The following DPYD variants were observed in gnomAD, a reference collection of about 807,000 sequenced individuals.
DPYD encodes the protein dihydropyrimidine dehydrogenase.
In DPYD, 109 loss-of-function variants were observed where a neutral mutation model predicts 116.2. That is an observed-to-expected ratio of 0.94 (90% confidence interval 0.80 to 1.10). DPYD has a LOEUF of 1.10. Among genes scored for constraint, DPYD ranks in the 50% least tolerant of loss-of-function variants. The probability of loss-of-function intolerance (pLI) is 0.00; values close to 1 mark genes in which losing one functional copy is unlikely to be tolerated. For synonymous variants in DPYD, 440 were observed against 432.0 expected (o/e 1.02, Z -0.23); for missense variants, 1,302 against 1,254.5 (o/e 1.04, Z -0.57).
Position 97,542,186 on chromosome 1 carries a change from C to T in DPYD, c.1524+7374G>A, listed in dbSNP as rs72975705. Among the ~76,000 whole-genome samples the T allele has an allele frequency of 4.8e-3, 732 of 152,252 alleles. 9 individuals carry two copies. Among genetic ancestry groups the T allele is most frequent in the African/African-American group, 0.017 (695 of 41,550 alleles). Reference sequence around the variant, plus strand: ...CTGGTATAATTACTGAACTTTCTCTCTCTCATTTTTCCTATATAATCTCTA... The same window carrying T: ...CTGGTATAATTACTGAACTTTCTCTTTCTCATTTTTCCTATATAATCTCTA... On this transcript the variant is annotated intron_variant, in intron 12 of 22. Coordinates refer to ENST00000370192, the MANE Select transcript of DPYD (RefSeq NM_000110.4).
chr1:97,602,801 C>A (rs552281066), intron 8 of DPYD, among the ~76,000 whole-genome samples: 13 of 151,736 alleles, frequency 8.6e-5, no homozygotes, highest in African/African-American at 2.9e-4. Flanking sequence ...AAAAGAAGTA[C>A]CTTTTTCTTC....
intron 19 of DPYD, among the ~76,000 whole-genome samples, chr1:97,204,775 T>G (rs1659478074): frequency 6.6e-6 from 1 of 152,096 alleles, no homozygotes. Flanking sequence ...CCGTCACTTT[T>G]GGTTTAGTTT....
At chr1:97,345,896 AT>A (rs891737142) in intron 16 of DPYD, among the ~76,000 whole-genome samples, 6 of 151,898 alleles carry the variant, frequency 4.0e-5, no homozygotes, top group South Asian at 2.1e-4. Flanking sequence ...TATTTTAATG[AT>A]TTTTTTTACA....
intron 18 of DPYD, among the ~76,000 whole-genome samples, chr1:97,263,047 C>T (rs1336016693): frequency 6.6e-6 from 1 of 152,070 alleles, no homozygotes; most frequent in Non-Finnish European, 1.5e-5. Flanking sequence ...CAAGCTTGAT[C>T]TTGATTGCCA....
intron 2 of DPYD, among the ~76,000 whole-genome samples, chr1:97,868,640 G>T (rs1671511370): frequency 6.6e-6 from 1 of 151,676 alleles, no homozygotes; most frequent in Non-Finnish European, 1.5e-5. Flanking sequence ...CTATTTAACA[G>T]TGAAAGAAAC....
intron 3 of DPYD, among the ~76,000 whole-genome samples, chr1:97,772,182 G>A (rs1666178342): frequency 6.6e-6 from 1 of 152,064 alleles, no homozygotes; most frequent in Non-Finnish European, 1.5e-5. Flanking sequence ...GAGAAAATAA[G>A]ACAAGACTCT....
chr1:97,432,140 G>A (rs985164928), intron 14 of DPYD, among the ~76,000 whole-genome samples: 3 of 152,042 alleles, frequency 2.0e-5, no homozygotes, highest in South Asian at 2.1e-4. Context: ...TCCATATATT[G>A]GCTATTGTGA....
At chr1:97,724,046 A>G (rs779167428) in intron 4 of DPYD, among the ~76,000 whole-genome samples, 3 of 151,600 alleles carry the variant, frequency 2.0e-5, no homozygotes, top group Non-Finnish European at 4.4e-5. Context: ...AAATCACACA[A>G]TCATATTAAA....
chr1:97,410,663 T>C (rs1375552866), intron 14 of DPYD, among the ~76,000 whole-genome samples: 1 of 152,112 alleles, frequency 6.6e-6, no homozygotes, highest in Non-Finnish European at 1.5e-5. Flanking sequence ...ATTGTGAGCA[T>C]ATTATATTTG....
At chr1:97,876,158 T>G (rs1266364573) in intron 2 of DPYD, among the ~76,000 whole-genome samples, 1 of 151,992 alleles carries the variant, frequency 6.6e-6, no homozygotes, top group South Asian at 2.1e-4. Context: ...TCATGACTGG[T>G]AGTGCAATTC....
At chr1:97,618,922 A>T (rs1056370457) in intron 8 of DPYD, among the ~76,000 whole-genome samples, 1 of 152,150 alleles carries the variant, frequency 6.6e-6, no homozygotes, top group African/African-American at 2.4e-5. Context: ...AATGCACCAG[A>T]AACATCCAGG....
At chr1:97,084,493 C>T (rs193087760) in intron 21 of DPYD, among the ~76,000 whole-genome samples, 1 of 152,020 alleles carries the variant, frequency 6.6e-6, no homozygotes, top group African/African-American at 2.4e-5. Flanking sequence ...TCCATATCCT[C>T]TTTCTTAAAA....
chr1:97,113,034 C>A (rs766097756), intron 20 of DPYD, among the ~76,000 whole-genome samples: 1 of 152,134 alleles, frequency 6.6e-6, no homozygotes, highest in Non-Finnish European at 1.5e-5. Flanking sequence ...CAGAAAGTAA[C>A]TTTAACATGC....
At chr1:97,351,122 G>T (rs998290167) in intron 16 of DPYD, among the ~76,000 whole-genome samples, 1 of 152,072 alleles carries the variant, frequency 6.6e-6, no homozygotes, top group Non-Finnish European at 1.5e-5. Flanking sequence ...TTTATTTTCA[G>T]TTTATTATCT....
intron 18 of DPYD, among the ~76,000 whole-genome samples, chr1:97,281,657 T>A (rs1359204222): frequency 6.6e-6 from 1 of 152,008 alleles, no homozygotes; most frequent in African/African-American, 2.4e-5. Context: ...CAGGAAGTTA[T>A]CAAACTAAGT....
At chr1:97,865,678 T>TTC (rs1046794726) in intron 2 of DPYD, among the ~76,000 whole-genome samples, 144 of 152,000 alleles carry the variant, frequency 9.5e-4, no homozygotes, top group African/African-American at 3.4e-3. Flanking sequence ...TCAATAACAA[T>TTC]TATGTGCCAA....
At chr1:97,441,371 G>A (rs1675784975) in intron 14 of DPYD, among the ~76,000 whole-genome samples, 1 of 151,844 alleles carries the variant, frequency 6.6e-6, no homozygotes, top group South Asian at 2.1e-4. Flanking sequence ...GCTCCCTGAT[G>A]GTATGTTTAC....
intron 11 of DPYD, among the ~76,000 whole-genome samples, chr1:97,552,861 A>C (rs982898732): frequency 6.6e-6 from 1 of 151,944 alleles, no homozygotes; most frequent in African/African-American, 2.4e-5. Context: ...CATGTTCCTA[A>C]TTTCATTCCA....
At chr1:97,630,615 T>C (rs938800829) in intron 8 of DPYD, among the ~76,000 whole-genome samples, 7 of 152,162 alleles carry the variant, frequency 4.6e-5, no homozygotes, top group Admixed American at 6.6e-5. Flanking sequence ...AGCTGTAGCA[T>C]TGACTTAGCA....
Sources: gnomAD v4.1 joint callset for allele counts (sites outside exome capture counted in the v4.1 genomes callset) on GRCh38, gnomAD v4.1.1 for gene constraint, MANE v1.5 for transcripts, NCBI Gene and HGNC (gene_info 2026-07-23, HGNC 2026-07-21) for gene names.